The following STK32B variants were observed in gnomAD, a reference collection of about 807,000 sequenced individuals.
STK32B encodes serine/threonine kinase 32B, also known as serine/threonine-protein kinase 32B.
In STK32B, 43 loss-of-function variants were observed where a neutral mutation model predicts 52.6. That is an observed-to-expected ratio of 0.82 (90% CI 0.64 to 1.05). The LOEUF is 1.05. Among genes scored for constraint, STK32B ranks in the 50% least tolerant of loss-of-function variants. The probability of loss-of-function intolerance (pLI) is 0.00; values close to 1 mark genes in which losing one functional copy is unlikely to be tolerated. For synonymous variants in STK32B, 238 were observed against 204.3 expected, an observed-to-expected ratio of 1.17 and a Z score of -1.41; for missense variants, 621 against 534.6, an observed-to-expected ratio of 1.16 and a Z score of -1.59.
In STK32B at chr4:5,316,149, C is replaced by CTAAATATATATATAAA. The variant is rs1730674542; in HGVS notation, c.261-15059_261-15058insTAAATAAATATATATA. On this transcript the variant is annotated intron_variant, in intron 3 of 11. Coordinates refer to ENST00000282908, the MANE Select transcript of STK32B (RefSeq NM_018401.3). ...ATTTTCAAGTTATATATATATATAA[C>CTAAATATATATATAAA]TAAATATATATAACTAAATATATAT... Among the ~76,000 whole-genome samples, 30 of 72,136 alleles carry CTAAATATATATATAAA rather than the reference C, an allele frequency of 4.2e-4. 1 individual carries two copies. The highest frequency in any genetic ancestry group is 3.8e-3 in the African/African-American group (25 of 6,518). The allele number at this position is 72,136 out of a possible 152,430, so 47.3% of individuals were successfully genotyped here.
chr4:5,498,761 T>G (rs1720490478), intron 11 of STK32B, among the ~76,000 whole-genome samples, 184 bp from the exon 12 acceptor site: 1 of 152,254 alleles, frequency 6.6e-6, no homozygotes, highest in East Asian at 1.9e-4. Context: ...TGAGCTGCGC[T>G]TTGATCCGAG....
intron 4 of STK32B, among the ~76,000 whole-genome samples, chr4:5,376,039 G>A (rs544596213): frequency 6.6e-6 from 1 of 152,128 alleles, no homozygotes; most frequent in South Asian, 2.1e-4. Context: ...CACTCTGGAC[G>A]CAGAGTTCCC....
the STK32B span, among the ~76,000 whole-genome samples, chr4:5,021,847 T>C: frequency 0.99 from 151,127 of 152,270 alleles, 75,012 homozygotes; most frequent in East Asian, 1. Flanking sequence ...CCAACTGAGA[T>C]ATGGTGGATG....
At chr4:5,205,070 A>G (rs1305404710) in intron 3 of STK32B, among the ~76,000 whole-genome samples, 6 of 152,210 alleles carry the variant, frequency 3.9e-5, no homozygotes, top group Non-Finnish European at 8.8e-5. Flanking sequence ...AACAAAGAGC[A>G]GGAGGAAGAG....
At chr4:5,182,740 T>G (rs191398817) in intron 3 of STK32B, among the ~76,000 whole-genome samples, 8 of 152,264 alleles carry the variant, frequency 5.3e-5, no homozygotes, top group African/African-American at 1.9e-4. Flanking sequence ...ATTACAGATG[T>G]GAGCCACTGC....
chr4:5,162,623 A>C (rs1718535380), intron 2 of STK32B, among the ~76,000 whole-genome samples: 1 of 152,186 alleles, frequency 6.6e-6, no homozygotes, highest in African/African-American at 2.4e-5. Context: ...ATCAGGTCCT[A>C]ATTGAGTTAG....
chr4:5,380,570 C>T lies in STK32B; in HGVS notation c.435-17637C>T, dbSNP rs923135007. Among the ~76,000 whole-genome samples the T allele has an allele frequency of 6.6e-6, 1 of 152,198 alleles. No individual in the cohort carries two copies. The highest frequency in any genetic ancestry group is 2.4e-5 in the African/African-American group (1 of 41,440). ...TGTGCAAAGCAGGAAGTGCAAGTCC[C>T]ACCCCATAGGAGCAGCTGGGACTGA... On this transcript the variant is annotated intron_variant, in intron 4 of 11. Transcript: ENST00000282908. The surrounding 1 kb of genome is among the most constrained non-coding windows in gnomAD (Gnocchi z 4.3).
chr4:5,182,525 G>C (rs545834814), intron 3 of STK32B, among the ~76,000 whole-genome samples: 1 of 151,546 alleles, frequency 6.6e-6, no homozygotes, highest in African/African-American at 2.4e-5. Flanking sequence ...GCAGTGATGC[G>C]ATCTCAGCTC....
At chr4:5,169,999 G>A (rs7667724) in intron 3 of STK32B, among the ~76,000 whole-genome samples, 30,671 of 151,990 alleles carry the variant, frequency 0.2, 3,578 homozygotes, top group East Asian at 0.34. Flanking sequence ...TGGCGGGAGC[G>A]CTACCTCCTT....
At chr4:5,185,264 C>T (rs1720659127) in intron 3 of STK32B, among the ~76,000 whole-genome samples, 1 of 152,090 alleles carries the variant, frequency 6.6e-6, no homozygotes, top group Non-Finnish European at 1.5e-5. Flanking sequence ...CTGTCTATTG[C>T]CTAAACAACC....
rs1266242476 is a variant in STK32B at position 5,051,484 on chromosome 4, C to T, written c.-380C>T. The stretch of plus-strand genomic sequence containing the variant: ...CCGTCCCCTCCTCCCCCGCTCCTTC[C>T]CCTCCTTCCCCTGCTCCCGCGCCGC... On this transcript the variant is annotated 5_prime_UTR_variant, in exon 1 of 12. Coordinates refer to ENST00000282908, the MANE Select transcript of STK32B (RefSeq NM_018401.3). 1.1e-5 allele frequency: 3 copies of T among 271,230 alleles called. No individual in the cohort carries two copies. The highest frequency in any genetic ancestry group is 2.1e-5 in the Non-Finnish European group (3 of 146,044). The allele number at this position is 271,230 out of a possible 1,614,324, so 16.8% of individuals were successfully genotyped here. A position where few individuals can be genotyped will look rare whatever the true frequency, so the allele number is the denominator to read the frequency against.
At chr4:5,094,726 A>G (rs1713286447) in intron 1 of STK32B, among the ~76,000 whole-genome samples, 1 of 152,200 alleles carries the variant, frequency 6.6e-6, no homozygotes, top group Non-Finnish European at 1.5e-5. Flanking sequence ...TGTTGTTGGT[A>G]AGGCTGCCAG....
rs149122093 is a variant in STK32B, at chr4:5,485,938, T to C, written c.1107-13007T>C. On this transcript the variant is annotated intron_variant, in intron 11 of 11. Transcript: ENST00000282908. Reference sequence around the variant, plus strand: ...ACAGCAAATGTTGCTGCCTGATCATTCCTCTGGAAGTTTTGTCTCAGGGGA... The same window carrying C: ...ACAGCAAATGTTGCTGCCTGATCATCCCTCTGGAAGTTTTGTCTCAGGGGA... Among the ~76,000 whole-genome samples, 654 of 152,286 alleles carry C rather than the reference T, an allele frequency of 4.3e-3. 43 individuals carry two copies. In the East Asian group the frequency reaches 0.1, roughly 24 times the overall value.
intron 3 of STK32B, among the ~76,000 whole-genome samples, chr4:5,325,098 C>T (rs948137886): frequency 6.6e-6 from 1 of 152,210 alleles, no homozygotes; most frequent in Admixed American, 6.5e-5. Context: ...AGCCTCATTG[C>T]TTTACCCCAT....
rs976937571 is a variant in STK32B, at chr4:5,122,255, TACTC to T, written c.53-17648_53-17645del. 8.5e-5 allele frequency among the ~76,000 whole-genome samples: 13 copies of T among 152,156 alleles called. No homozygotes were observed. The East Asian group carries it at 9.7e-4, about 11-fold the overall frequency. On this transcript the variant is annotated intron_variant, in intron 1 of 11. Transcript: ENST00000282908. ...ACTCATTCACTCACATTTACTCATT[TACTC>T]ATTCATTCATTCATTCACTCACCCA...
chr4:5,457,225 T>C (rs1716620459), intron 8 of STK32B, among the ~76,000 whole-genome samples: 1 of 148,380 alleles, frequency 6.7e-6, no homozygotes, highest in Non-Finnish European at 1.5e-5. Flanking sequence ...TTTTTTTTTT[T>C]TTTTTTAATA....
intron 3 of STK32B, chr4:5,203,933 G>A (rs1397765118): frequency 6.6e-6 from 1 of 152,246 alleles, no homozygotes; most frequent in African/African-American, 2.4e-5. Flanking sequence ...AGAACTGTGA[G>A]AGCCCAGCTG....
chr4:5,405,765 C>T (rs932232702), intron 5 of STK32B, among the ~76,000 whole-genome samples: 1 of 152,074 alleles, frequency 6.6e-6, no homozygotes, highest in African/African-American at 2.4e-5. Flanking sequence ...AAAGAGAAAT[C>T]CACCCTTAGG....
intron 4 of STK32B, among the ~76,000 whole-genome samples, chr4:5,367,307 A>T (rs1304754078): frequency 6.6e-6 from 1 of 152,134 alleles, no homozygotes; most frequent in East Asian, 1.9e-4. Flanking sequence ...ACAGAAGAGG[A>T]AAGATGCTTA....
Sources: gnomAD v4.1 joint callset for allele counts (sites outside exome capture counted in the v4.1 genomes callset) on GRCh38, gnomAD v4.1.1 for gene constraint, Gnocchi (gnomAD v3.1) non-coding constraint, MANE v1.5 for transcripts, NCBI Gene and HGNC (gene_info 2026-07-23, HGNC 2026-07-21) for gene names.